CNTN5: variants seen among roughly 807,000 people sequenced by gnomAD.
The protein encoded by CNTN5 is contactin 5, also known as contactin-5.
A neutral mutation model predicts 129.1 loss-of-function variants in CNTN5; 77 were observed. The observed-to-expected ratio is 0.60, with a 90% CI of 0.50 to 0.72. CNTN5 has a LOEUF of 0.72. Ranked by LOEUF, CNTN5 falls within the 30% of genes least tolerant of loss-of-function variation. The probability of loss-of-function intolerance (pLI) is 0.00; values close to 1 mark genes in which losing one functional copy is unlikely to be tolerated. For missense variants in CNTN5, 1,478 were observed against 1,328.8 expected (o/e 1.11, Z -1.75); for synonymous variants, 509 against 465.6 (o/e 1.09, Z -1.20).
intron 1 of CNTN5, among the ~76,000 whole-genome samples, chr11:99,128,203 C>A (rs1954821): frequency 1.3e-5 from 2 of 151,988 alleles, no homozygotes; most frequent in Non-Finnish European, 2.9e-5. Flanking sequence ...GAAATCCCTG[C>A]TGGCCAGCAC....
intron 18 of CNTN5, among the ~76,000 whole-genome samples, chr11:100,291,858 A>T (rs531236830): frequency 1.3e-5 from 2 of 151,570 alleles, no homozygotes. Context: ...TCAAACGCCA[A>T]TAAATAGCTG....
chr11:99,388,881 T>C (rs1461756245), intron 2 of CNTN5, among the ~76,000 whole-genome samples: 1 of 152,070 alleles, frequency 6.6e-6, no homozygotes, highest in African/African-American at 2.4e-5. Context: ...ATAATACCCA[T>C]TGAAATGCTC....
intron 9 of CNTN5, among the ~76,000 whole-genome samples, chr11:100,049,547 C>A (rs1393811810): frequency 6.6e-6 from 1 of 151,982 alleles, no homozygotes; most frequent in Non-Finnish European, 1.5e-5. Flanking sequence ...AATTCACAAA[C>A]TAAACCAAAG....
chr11:99,949,825 A>G (rs763014785), intron 7 of CNTN5, among the ~76,000 whole-genome samples: 10 of 152,214 alleles, frequency 6.6e-5, no homozygotes, highest in Non-Finnish European at 1.2e-4. Context: ...TCACTAGCTC[A>G]GACCTGCTTA....
At chr11:99,769,470 C>A (rs1944869635) in intron 3 of CNTN5, among the ~76,000 whole-genome samples, 1 of 152,124 alleles carries the variant, frequency 6.6e-6, no homozygotes, top group Non-Finnish European at 1.5e-5. Context: ...TCACCTCTCT[C>A]ACTCTATAAC....
intron 1 of CNTN5, among the ~76,000 whole-genome samples, chr11:99,157,592 A>C (rs568520497): frequency 6.6e-6 from 1 of 152,130 alleles, no homozygotes; most frequent in Non-Finnish European, 1.5e-5. Context: ...TTTGGTAAAA[A>C]TATACCTATA....
At position 100,358,687 on chromosome 11, in the gene CNTN5, T is replaced by C. The variant is rs75322780; in HGVS notation, c.*2467T>C. On this transcript the variant is annotated 3_prime_UTR_variant, in exon 25 of 25. Coordinates refer to ENST00000524871, the MANE Select transcript of CNTN5 (RefSeq NM_014361.4). ...ACAGTCCTTATAATTAGAAATTTCATGAAAGCAAAAGTTTTGCATACCCAA... is the reference window on the plus strand; with the variant it reads ...ACAGTCCTTATAATTAGAAATTTCACGAAAGCAAAAGTTTTGCATACCCAA... The C allele has an allele frequency of 1.3e-5, 2 of 151,824 alleles. No individual in the cohort carries two copies. The highest frequency in any genetic ancestry group is 2.9e-5 in the Non-Finnish European group (2 of 67,836). The allele number at this position is 151,824 out of a possible 1,614,324, so 9.4% of individuals were successfully genotyped here.
chr11:100,303,995 C>T (rs1951289290), intron 20 of CNTN5, among the ~76,000 whole-genome samples: 1 of 151,490 alleles, frequency 6.6e-6, no homozygotes, highest in Non-Finnish European at 1.5e-5. Context: ...AATGCTGTTG[C>T]TCTAAGGGTC....
At chr11:99,791,381 C>T (rs1020551057) in intron 3 of CNTN5, among the ~76,000 whole-genome samples, 1 of 152,096 alleles carries the variant, frequency 6.6e-6, no homozygotes, top group Non-Finnish European at 1.5e-5. Context: ...GTTATTCCAA[C>T]ATCATTTATT....
At chr11:99,490,305 C>T (rs1260220543) in intron 2 of CNTN5, among the ~76,000 whole-genome samples, 1 of 152,096 alleles carries the variant, frequency 6.6e-6, no homozygotes, top group Non-Finnish European at 1.5e-5. Context: ...TAAGTTATTA[C>T]ATAATTTTTT....
intron 3 of CNTN5, among the ~76,000 whole-genome samples, chr11:99,565,938 C>A (rs553028284): frequency 2.0e-4 from 31 of 152,232 alleles, no homozygotes; most frequent in Admixed American, 6.5e-4. Context: ...GTGGTATAAA[C>A]AATTAATAAT....
intron 6 of CNTN5, among the ~76,000 whole-genome samples, chr11:99,891,091 C>T (rs1266221482): frequency 6.6e-6 from 1 of 151,854 alleles, no homozygotes; most frequent in Non-Finnish European, 1.5e-5. Context: ...TTTGAACAGA[C>T]CAGAAAAAAT....
intron 16 of CNTN5, among the ~76,000 whole-genome samples, chr11:100,232,501 G>A (rs140149979): frequency 2.5e-4 from 38 of 152,266 alleles, no homozygotes; most frequent in African/African-American, 8.7e-4. Flanking sequence ...TATGGTAGAT[G>A]GAGAGATGCA....
rs576219112 is a variant in CNTN5 at position 99,984,070 on chromosome 11, C to A, written c.878-17964C>A. Among the ~76,000 whole-genome samples the A allele has an allele frequency of 2.0e-5, 3 of 152,202 alleles. No individual in the cohort carries two copies. In the South Asian group the frequency reaches 6.2e-4, roughly 32 times the overall value. On this transcript the variant is annotated intron_variant, in intron 8 of 24. Transcript: ENST00000524871. ...ATCACTTGAGGTCAGGAGTTTGAGA[C>A]CAGCCCGGCCAACATGATGAAACCC...
At chr11:99,933,999 A>T (rs1048060690) in intron 7 of CNTN5, among the ~76,000 whole-genome samples, 3 of 152,202 alleles carry the variant, frequency 2.0e-5, no homozygotes, top group Non-Finnish European at 2.9e-5. Flanking sequence ...GAGCTATAGG[A>T]AAATCTTGTT....
intron 3 of CNTN5, among the ~76,000 whole-genome samples, chr11:99,753,397 C>T (rs867196238): frequency 2.2e-4 from 34 of 151,900 alleles, no homozygotes; most frequent in Non-Finnish European, 2.2e-4. Context: ...GCTGGGATTA[C>T]AGACGTGAGC....
chr11:99,923,274 T>A (rs910413716), intron 7 of CNTN5, among the ~76,000 whole-genome samples: 3 of 152,132 alleles, frequency 2.0e-5, no homozygotes, highest in African/African-American at 4.8e-5. Flanking sequence ...TATAAGACAA[T>A]AAATATATAT....
At chr11:99,439,350 CT>C (rs1565583074) in intron 2 of CNTN5, among the ~76,000 whole-genome samples, 2 of 151,518 alleles carry the variant, frequency 1.3e-5, no homozygotes, top group Admixed American at 6.6e-5. Context: ...GAAATATGCA[CT>C]GTGAATCTAA....
intron 1 of CNTN5, among the ~76,000 whole-genome samples, chr11:99,241,303 T>C (rs1206334346): frequency 6.7e-6 from 1 of 149,242 alleles, no homozygotes; most frequent in Non-Finnish European, 1.5e-5. Flanking sequence ...GTGACACTCC[T>C]TCATTTGATT....
Sources: allele counts gnomAD v4.1 joint callset (sites outside exome capture counted in the v4.1 genomes callset), GRCh38; gene constraint gnomAD v4.1.1; transcripts MANE v1.5; gene names NCBI Gene and HGNC (gene_info 2026-07-23, HGNC 2026-07-21).